SLC23A2: variants seen among roughly 807,000 people sequenced by gnomAD.
SLC23A2 encodes the protein Na(+)/L-ascorbic acid transporter 2.
A neutral mutation model predicts 73.3 loss-of-function variants in SLC23A2; 36 were observed. The ratio of observed to expected loss-of-function variants is 0.49; its 90% CI spans 0.38 to 0.65. SLC23A2 has a LOEUF of 0.65. Ranked by LOEUF, SLC23A2 falls within the 30% of genes least tolerant of loss-of-function variation. SLC23A2 has a pLI of 0.00. For synonymous variants in SLC23A2, 343 were observed against 327.3 expected, an observed-to-expected ratio of 1.05 and a Z score of -0.52; for missense variants, 507 against 841.6, an observed-to-expected ratio of 0.60 and a Z score of 4.92.
intron 2 of SLC23A2, among the ~76,000 whole-genome samples, chr20:4,934,475 C>G (rs2086928798): frequency 6.6e-6 from 1 of 152,174 alleles, no homozygotes; most frequent in East Asian, 1.9e-4. Context: ...ATCAGGTCCT[C>G]CAAGGGATAC....
chr20:4,988,323 C>T (rs999933521), intron 1 of SLC23A2, among the ~76,000 whole-genome samples: 6 of 151,166 alleles, frequency 4.0e-5, no homozygotes, highest in Non-Finnish European at 8.8e-5. Context: ...AGTAGCTGAC[C>T]GTGTGTGGTG....
intron 1 of SLC23A2, among the ~76,000 whole-genome samples, chr20:4,972,861 G>A (rs1454418044): frequency 2.0e-5 from 3 of 152,068 alleles, no homozygotes; most frequent in Non-Finnish European, 4.4e-5. Context: ...TGGGATTACA[G>A]GCACAAGCCA....
At chr20:4,888,224 G>A (rs1413919032) in intron 6 of SLC23A2, among the ~76,000 whole-genome samples, 1 of 152,230 alleles carries the variant, frequency 6.6e-6, no homozygotes, top group Non-Finnish European at 1.5e-5. Context: ...TACCTGTTCT[G>A]TAAGTAAAGT....
intron 1 of SLC23A2, among the ~76,000 whole-genome samples, chr20:4,983,463 G>A (rs1384506086): frequency 3.0e-4 from 44 of 148,086 alleles, no homozygotes; most frequent in South Asian, 6.3e-4. Flanking sequence ...TGGCCAACAC[G>A]GTGAAACCCC....
In SLC23A2 at chr20:4,883,263, C is replaced by T. The variant is rs1396512851; in HGVS notation, c.824+379G>A. On this transcript the variant is annotated intron_variant, in intron 9 of 16. Transcript: ENST00000338244. The surrounding 1 kb of genome is among the most constrained non-coding windows in gnomAD (Gnocchi z 4.5). ...ACTTCTCTGGAAATACTCCAGATTC[C>T]TGCCACTCTGGAATATTTTTGAGTC... Among the ~76,000 whole-genome samples the T allele has an allele frequency of 2.6e-5, 4 of 152,256 alleles. No homozygotes were observed. Among genetic ancestry groups the T allele is most frequent in the East Asian group, 1.9e-4 (1 of 5,182 alleles).
chr20:4,993,239 G>A (rs1048151379), intron 1 of SLC23A2, among the ~76,000 whole-genome samples: 10 of 149,676 alleles, frequency 6.7e-5, no homozygotes, highest in African/African-American at 2.5e-4. Flanking sequence ...AGCTGAGATC[G>A]TGCCACTGCA....
chr20:4,879,407 T>TAAA (rs1930789225), intron 9 of SLC23A2, among the ~76,000 whole-genome samples: 1 of 22,890 alleles, frequency 4.4e-5, no homozygotes, highest in Non-Finnish European at 7.1e-5. Context: ...AAACTCTGTC[T>TAAA]CAAAAAAAAA....
At chr20:4,879,246 A>C (rs1340838300) in intron 9 of SLC23A2, among the ~76,000 whole-genome samples, 1 of 147,228 alleles carries the variant, frequency 6.8e-6, no homozygotes, top group East Asian at 1.9e-4. Context: ...GTCTCTACTA[A>C]AAATACAAAA....
At chr20:4,925,644 G>T (rs977225338) in intron 3 of SLC23A2, among the ~76,000 whole-genome samples, 1 of 152,010 alleles carries the variant, frequency 6.6e-6, no homozygotes, top group South Asian at 2.1e-4. Context: ...CCCACCGCAG[G>T]AATTTCCTAC....
chr20:4,991,327 C>G (rs1478458979), intron 1 of SLC23A2, among the ~76,000 whole-genome samples: 1 of 152,084 alleles, frequency 6.6e-6, no homozygotes, highest in Non-Finnish European at 1.5e-5. Flanking sequence ...CCAAACTGGT[C>G]TTAACCTCCT....
chr20:4,922,320 G>A (rs187371610), intron 3 of SLC23A2, among the ~76,000 whole-genome samples: 328 of 152,314 alleles, frequency 2.2e-3, no homozygotes, highest in Non-Finnish European at 2.9e-3. Flanking sequence ...CACAGAGGTT[G>A]TCACGATGAT....
chr20:4,869,944 C>T lies in SLC23A2; in HGVS notation c.1212G>A (p.Leu404=). 1.9e-6 allele frequency: 3 copies of T among 1,613,480 alleles called. No homozygotes were observed. The highest frequency in any genetic ancestry group is 2.5e-6 in the Non-Finnish European group (3 of 1,179,598). Residue 404 remains leucine (L), a synonymous_variant, in exon 12 of 17, where the codon CTG becomes CTA. Coordinates refer to ENST00000338244, the MANE Select transcript of SLC23A2 (RefSeq NM_005116.6). ...SIGDYYACAR[L]SCAPPPPIHA... is the part of the protein sequence containing the mutation. ...GGATGGGGGGGGGTGGGGCACAGGA[C>T]AGCCGTGCACAGGCGTAGTAGTCAC...
intron 3 of SLC23A2, among the ~76,000 whole-genome samples, chr20:4,932,250 G>T (rs1201881554): frequency 6.6e-6 from 1 of 152,148 alleles, no homozygotes; most frequent in East Asian, 1.9e-4. Flanking sequence ...TTCCTTCCTG[G>T]AGTTAATCCC....
intron 5 of SLC23A2, among the ~76,000 whole-genome samples, chr20:4,901,364 G>A (rs1489278397): frequency 6.6e-6 from 1 of 152,146 alleles, no homozygotes; most frequent in Non-Finnish European, 1.5e-5. Flanking sequence ...AGATACCTTA[G>A]GTTGAACTGA....
At chr20:4,989,822 T>C (rs367757821) in intron 1 of SLC23A2, among the ~76,000 whole-genome samples, 12 of 152,290 alleles carry the variant, frequency 7.9e-5, no homozygotes, top group African/African-American at 2.4e-4. Context: ...ATGTGTATTA[T>C]GATTACCTAT....
intron 6 of SLC23A2, among the ~76,000 whole-genome samples, chr20:4,888,000 G>A (rs1469959430): frequency 6.6e-6 from 1 of 152,208 alleles, no homozygotes; most frequent in Non-Finnish European, 1.5e-5. Flanking sequence ...TGTGAAGACG[G>A]TCAATTCTCA....
At chr20:5,005,783 T>C (rs1035532227), upstream of SLC23A2, among the ~76,000 whole-genome samples, 21 of 151,950 alleles carry the variant, frequency 1.4e-4, no homozygotes, top group Admixed American at 3.3e-4. Context: ...AGGTCAGGAG[T>C]TCGAGACCAG....
At chr20:4,916,751 T>C (rs1222237312) in intron 3 of SLC23A2, among the ~76,000 whole-genome samples, 1 of 152,180 alleles carries the variant, frequency 6.6e-6, no homozygotes, top group Non-Finnish European at 1.5e-5. Context: ...GTAGAAACTG[T>C]CAAGTACCCA....
At chr20:4,860,272 A>G (rs1260558244) in intron 15 of SLC23A2, among the ~76,000 whole-genome samples, 1 of 152,268 alleles carries the variant, frequency 6.6e-6, no homozygotes, top group Non-Finnish European at 1.5e-5. Context: ...TATACAGAGC[A>G]GTGAAAAATC....
Sources: allele counts gnomAD v4.1 joint callset (sites outside exome capture counted in the v4.1 genomes callset), GRCh38; gene constraint gnomAD v4.1.1; non-coding constraint Gnocchi (gnomAD v3.1); transcripts MANE v1.5; gene names NCBI Gene and HGNC (gene_info 2026-07-23, HGNC 2026-07-21).